ZBTB8B: variants seen among roughly 807,000 people sequenced by gnomAD.
ZBTB8B encodes the protein zinc finger and BTB domain-containing protein 8B.
A neutral mutation model predicts 30.3 loss-of-function variants in ZBTB8B; 17 were observed. The observed-to-expected ratio is 0.56, with a 90% CI of 0.38 to 0.84. The LOEUF (loss-of-function observed/expected upper bound fraction) is 0.84, where lower values mean the gene tolerates loss of function less well. Among genes scored for constraint, ZBTB8B ranks in the 40% least tolerant of loss-of-function variants. ZBTB8B has a pLI of 0.00. For missense variants in ZBTB8B, 515 were observed against 644.9 expected, an observed-to-expected ratio of 0.80 and a Z score of 2.18; for synonymous variants, 248 against 255.6, an observed-to-expected ratio of 0.97 and a Z score of 0.28.
intron 2 of ZBTB8B, among the ~76,000 whole-genome samples, chr1:32,473,512 C>CT (rs11300546): frequency 4.5e-5 from 5 of 112,172 alleles, no homozygotes; most frequent in African/African-American, 6.5e-5. Flanking sequence ...TGTCTTGAGA[C>CT]TTTTTTTTTT....
intron 3 of ZBTB8B, among the ~76,000 whole-genome samples, chr1:32,481,899 G>A (rs1209348008): frequency 6.6e-6 from 1 of 152,140 alleles, no homozygotes; most frequent in African/African-American, 2.4e-5. Context: ...GAGGATAATA[G>A]CCTCCAGCTC....
At chr1:32,470,267 G>T (rs1191776489) in intron 1 of ZBTB8B, among the ~76,000 whole-genome samples, 1 of 151,856 alleles carries the variant, frequency 6.6e-6, no homozygotes, top group Admixed American at 6.6e-5. Flanking sequence ...TTGGGAGGCC[G>T]AGGCGGGCGG....
At chr1:32,471,662 ACTGT>A (rs1643622404) in intron 2 of ZBTB8B, 47 bp downstream of exon 2, 2 of 1,517,150 alleles carry the variant, frequency 1.3e-6, no homozygotes, top group Admixed American at 2.0e-5. Flanking sequence ...TTGAGTACAC[ACTGT>A]CTGTGCCTTG....
rs1031727014 is a variant in ZBTB8B at position 32,482,138 on chromosome 1, C to T, written c.1170+1069C>T. On this transcript the variant is annotated intron_variant, in intron 3 of 3. Coordinates refer to ENST00000609129, the MANE Select transcript of ZBTB8B (RefSeq NM_001145720.2). ...AACTACAGGCACACACCACCATGCC[C>T]AGCTAACGTGTTTTTTTGTTGTTGT... Among the ~76,000 whole-genome samples, 59 of 152,048 alleles carry T rather than the reference C, an allele frequency of 3.9e-4. 1 individual carries two copies. The highest frequency in any genetic ancestry group is 2.1e-4 in the South Asian group (1 of 4,810).
Position 32,471,287 on chromosome 1 carries a change from TA to T in ZBTB8B, c.664del (p.Thr222LeufsTer6). The T allele has an allele frequency of 1.3e-6, 2 of 1,551,810 alleles. No homozygotes were observed. Among genetic ancestry groups the T allele is most frequent in the Non-Finnish European group, 1.7e-6 (2 of 1,147,016 alleles). ...GTGGCTCGGCTGACAGCAACCTCTC[TA>T]CTCCACCCAAACGGATAGAGCCCAA... ...GGGSADSNLS[T>X]PPKRIEPKVE... On this transcript the variant is annotated frameshift_variant, in exon 2 of 4. Coordinates refer to ENST00000609129, the MANE Select transcript of ZBTB8B (RefSeq NM_001145720.2). LOFTEE classifies it high-confidence loss of function.
intron 1 of ZBTB8B, among the ~76,000 whole-genome samples, chr1:32,470,297 C>T (rs916922473): frequency 6.6e-6 from 1 of 151,198 alleles, no homozygotes; most frequent in Non-Finnish European, 1.5e-5. Context: ...TCAGAAGATC[C>T]AGACCATCCT....
At chr1:32,476,869 C>T (rs889019948) in intron 2 of ZBTB8B, among the ~76,000 whole-genome samples, 4 of 152,020 alleles carry the variant, frequency 2.6e-5, no homozygotes, top group Non-Finnish European at 5.9e-5. Context: ...GGGGCAGGGA[C>T]TTTGGTCTAT....
chr1:32,474,571 A>G (rs1248571999), intron 2 of ZBTB8B, among the ~76,000 whole-genome samples: 1 of 151,896 alleles, frequency 6.6e-6, no homozygotes, highest in African/African-American at 2.4e-5. Context: ...GAAACACTTG[A>G]AAATGCTGTT....
chr1:32,467,328 C>T (rs1000151458), intron 1 of ZBTB8B, among the ~76,000 whole-genome samples: 7 of 151,534 alleles, frequency 4.6e-5, no homozygotes, highest in East Asian at 3.9e-4. Context: ...CTGCAGCCTC[C>T]GCCTCCACCG....
chr1:32,476,444 T>C (rs1438258322), intron 2 of ZBTB8B, among the ~76,000 whole-genome samples: 5 of 152,118 alleles, frequency 3.3e-5, no homozygotes, highest in Non-Finnish European at 5.9e-5. Flanking sequence ...TCCTCCTCAG[T>C]GTGTCTCCTC....
At chr1:32,483,933 G>T (rs1338163721) in intron 3 of ZBTB8B, among the ~76,000 whole-genome samples, 1 of 151,722 alleles carries the variant, frequency 6.6e-6, no homozygotes, top group African/African-American at 2.4e-5. Flanking sequence ...GGCCAACTAT[G>T]GTGGCTCACG....
chr1:32,487,769 A>G lies in ZBTB8B; in HGVS notation c.*2351A>G, dbSNP rs1643756045. On this transcript the variant is annotated 3_prime_UTR_variant, in exon 4 of 4. Transcript: ENST00000609129. ...TGGCGAGAGGAACACTTGAGCCTGGAAAAGGTTGCAGTGAGCTGGAATCGT... is the reference window on the plus strand; with the variant it reads ...TGGCGAGAGGAACACTTGAGCCTGGGAAAGGTTGCAGTGAGCTGGAATCGT... The G allele has an allele frequency of 6.6e-6, 1 of 152,010 alleles. No homozygotes were observed. The highest frequency in any genetic ancestry group is 1.5e-5 in the Non-Finnish European group (1 of 68,002). 9.4% of individuals were successfully genotyped at this position (152,010 alleles called of 1,614,324 possible).
chr1:32,481,067 A>T lies in ZBTB8B; in HGVS notation c.1168A>T (p.Ser390Cys). Reference sequence around the variant, plus strand: ...AGAGCACCTGCGGAGCCACGCACTGAGTGTAAGTGTTCGAGCTGGCCATGC... The same window carrying T: ...AGAGCACCTGCGGAGCCACGCACTGTGTGTAAGTGTTCGAGCTGGCCATGC... The part of the protein sequence containing the change: ...RQEHLRSHAL[S>C]VHRSNRPIIC... Residue 390 changes from serine (S) to cysteine (C), a missense_variant and splice_region_variant, in exon 3 of 4, where the codon AGT becomes TGT. Ser to Cys is a moderately radical substitution (Grantham distance 112). Transcript: ENST00000609129. 6.5e-7 allele frequency: 1 copy of T among 1,548,678 alleles called. No individual in the cohort carries two copies. The highest frequency in any genetic ancestry group is 1.2e-5 in the South Asian group (1 of 83,454).
chr1:32,478,291 C>T (rs1643678949), intron 2 of ZBTB8B, among the ~76,000 whole-genome samples: 2 of 151,930 alleles, frequency 1.3e-5, no homozygotes, highest in Admixed American at 1.3e-4. Context: ...GCGGGTGGAT[C>T]ACTTGAGGTC....
Position 32,496,587 on chromosome 1 carries a change from T to A in ZBTB8B, c.*11169T>A, listed in dbSNP as rs996350786. ...TGGTAATGTACCAGGTCTGTTTATA[T>A]AGGTCAGTGTTGCCCAGGTTGTATT... On this transcript the variant is annotated 3_prime_UTR_variant, in exon 4 of 4. Coordinates refer to ENST00000609129, the MANE Select transcript of ZBTB8B (RefSeq NM_001145720.2). The A allele has an allele frequency of 6.6e-6, 1 of 152,246 alleles. No individual in the cohort carries two copies. Among genetic ancestry groups the A allele is most frequent in the East Asian group, 1.9e-4 (1 of 5,208 alleles). The allele number at this position is 152,246 out of a possible 1,614,324, so 9.4% of individuals were successfully genotyped here.
At position 32,491,490 on chromosome 1, in the gene ZBTB8B, G is replaced by A. The variant is rs373995716; in HGVS notation, c.*6072G>A. The A allele has an allele frequency of 6.6e-6, 1 of 152,338 alleles. No individual in the cohort carries two copies. The highest frequency in any genetic ancestry group is 1.9e-4 in the East Asian group (1 of 5,186). 9.4% of individuals were successfully genotyped at this position (152,338 alleles called of 1,614,324 possible). A position where few individuals can be genotyped will look rare whatever the true frequency, so the allele number is the denominator to read the frequency against. On this transcript the variant is annotated 3_prime_UTR_variant, in exon 4 of 4. Coordinates refer to ENST00000609129, the MANE Select transcript of ZBTB8B (RefSeq NM_001145720.2). ...AATGGGAAGCACTGCTTACTAGCAA[G>A]GCAGAACCAGTTGCTCTTCTCTGAA...
chr1:32,472,614 T>C (rs1643632653), intron 2 of ZBTB8B, among the ~76,000 whole-genome samples: 1 of 152,076 alleles, frequency 6.6e-6, no homozygotes, highest in African/African-American at 2.4e-5. Context: ...ATTTGATTGA[T>C]TGATTGATTG....
chr1:32,485,248 A>G lies in ZBTB8B; in HGVS notation c.1318A>G (p.Ile440Val), dbSNP rs1301507185. 3 of 1,552,072 alleles carry G rather than the reference A, an allele frequency of 1.9e-6. No individual in the cohort carries two copies. The highest frequency in any genetic ancestry group is 2.6e-6 in the Non-Finnish European group (3 of 1,147,082). Reference sequence around the variant, plus strand: ...CGATGATGATGATGATTTGATGCCCATCAACCTTAGCTTGGTGGAGGCTTC... The same window carrying G: ...CGATGATGATGATGATTTGATGCCCGTCAACCTTAGCTTGGTGGAGGCTTC... The part of the protein sequence containing the change: ...TPDDDDDLMP[I>V]NLSLVEASSE... The change falls in exon 4 of 4, where the codon ATC (isoleucine) becomes GTC (valine). Residue 440 changes from isoleucine to valine, a missense_variant. Physicochemically the swap from Ile to Val is conservative, Grantham distance 29. This residue lies in a region of ZBTB8B where 429 missense variants were observed against 504.3 expected (regional missense o/e 0.85). Transcript: ENST00000609129.
At chr1:32,466,301 G>A (rs2148178417) in intron 1 of ZBTB8B, among the ~76,000 whole-genome samples, 1 of 152,216 alleles carries the variant, frequency 6.6e-6, no homozygotes, top group South Asian at 2.1e-4. Flanking sequence ...AGTTGTGTTG[G>A]CATCTGCTGT....
Sources: gnomAD v4.1 joint callset for allele counts (sites outside exome capture counted in the v4.1 genomes callset) on GRCh38, gnomAD v4.1.1 for gene constraint, gnomAD v4.1.1 regional missense constraint, MANE v1.5 for transcripts, NCBI Gene and HGNC (gene_info 2026-07-23, HGNC 2026-07-21) for gene names.